VPS26A: variants seen among roughly 807,000 people sequenced by gnomAD.
The protein encoded by VPS26A is VPS26 retromer complex component A, also known as vacuolar protein sorting-associated protein 26A.
VPS26A carries 22 observed loss-of-function variants against 42.4 expected under a neutral mutation model. The observed-to-expected ratio is 0.52, with a 90% CI of 0.37 to 0.74. The LOEUF (loss-of-function observed/expected upper bound fraction) is 0.74. VPS26A is among the 30% of genes least tolerant of loss of function. The probability of loss-of-function intolerance (pLI) is 0.00; values close to 1 mark genes in which losing one functional copy is unlikely to be tolerated. For synonymous variants in VPS26A, 110 were observed against 123.5 expected, an observed-to-expected ratio of 0.89 and a Z score of 0.73; for missense variants, 276 against 379.2, an observed-to-expected ratio of 0.73 and a Z score of 2.26.
At position 69,173,857 on chromosome 10, in the gene VPS26A, CGTG is replaced by C. The variant is rs1192191127; in HGVS notation, c.*2593_*2595del. ...CTCTACCAAAAATGCATTAGTCGGG[CGTG>C]GTGGCACATGCCTGTAATCCCAGCT... On this transcript the variant is annotated 3_prime_UTR_variant, in exon 9 of 9. Coordinates refer to ENST00000263559, the MANE Select transcript of VPS26A (RefSeq NM_004896.5). Among the ~76,000 whole-genome samples, 1 of 152,054 alleles carries C rather than the reference CGTG, an allele frequency of 6.6e-6. No individual in the cohort carries two copies. The highest frequency in any genetic ancestry group is 2.4e-5 in the African/African-American group (1 of 41,414).
chr10:69,124,432 G>A, intron 1 of VPS26A, 152 bp downstream of exon 1: 1 of 911,624 alleles, frequency 1.1e-6, no homozygotes, highest in Non-Finnish European at 1.4e-6. Context: ...CCTGGGTCTG[G>A]GAAAAGCTGG....
intron 2 of VPS26A, among the ~76,000 whole-genome samples, chr10:69,147,604 C>G (rs1841190519): frequency 1.3e-5 from 2 of 152,154 alleles, no homozygotes; most frequent in Admixed American, 1.3e-4. Context: ...GGCAGCAGTC[C>G]AACTTTATTC....
chr10:69,127,477 C>CGGGAGGCGGAGCTTGCA (rs1840683789), intron 1 of VPS26A, among the ~76,000 whole-genome samples: 1 of 150,508 alleles, frequency 6.6e-6, no homozygotes, highest in Non-Finnish European at 1.5e-5. Flanking sequence ...GGCATGAACC[C>CGGGAGGCGGAGCTTGCA]GGGAGGCGGA....
chr10:69,162,698 A>AG (rs1841588289), intron 6 of VPS26A, among the ~76,000 whole-genome samples, 186 bp downstream of exon 6: 1 of 152,198 alleles, frequency 6.6e-6, no homozygotes, highest in Admixed American at 6.5e-5. Context: ...TTTATTTTTT[A>AG]TAAAAAATTA....
rs118153651 is a variant in VPS26A at position 69,161,488 on chromosome 10, A to G, written c.552-918A>G. Reference sequence around the variant, plus strand: ...ACACTAAACAATATGAATAATCAAAATGGTTGTTGTTGGTTTTTGTTTTTG... The same window carrying G: ...ACACTAAACAATATGAATAATCAAAGTGGTTGTTGTTGGTTTTTGTTTTTG... On this transcript the variant is annotated intron_variant, in intron 5 of 8. Transcript: ENST00000263559. 399 of 167,480 alleles carry G rather than the reference A, an allele frequency of 2.4e-3. 1 individual carries two copies. Among genetic ancestry groups the G allele is most frequent in the Non-Finnish European group, 4.2e-3 (325 of 76,794 alleles). The allele number at this position is 167,480 out of a possible 1,614,324, so 10.4% of individuals were successfully genotyped here.
In VPS26A at chr10:69,172,928, T is replaced by C. The variant is rs1841848197; in HGVS notation, c.*1659T>C. 1 of 152,220 alleles carries C rather than the reference T, an allele frequency of 6.6e-6. No individual in the cohort carries two copies. Among genetic ancestry groups the C allele is most frequent in the South Asian group, 2.1e-4 (1 of 4,834 alleles). 9.4% of individuals were successfully genotyped at this position (152,220 alleles called of 1,614,324 possible). On this transcript the variant is annotated 3_prime_UTR_variant, in exon 9 of 9. Coordinates refer to ENST00000263559, the MANE Select transcript of VPS26A (RefSeq NM_004896.5). ...AATCTCTTCTCATTGTTAGATTTATTGTCGAGGATAGGATTGTTCAATAGT... is the reference window on the plus strand; with the variant it reads ...AATCTCTTCTCATTGTTAGATTTATCGTCGAGGATAGGATTGTTCAATAGT...
At position 69,140,103 on chromosome 10, in the gene VPS26A, T is replaced by C. The variant is rs566171983; in HGVS notation, c.153+7056T>C. On this transcript the variant is annotated intron_variant, in intron 2 of 8. Coordinates refer to ENST00000263559, the MANE Select transcript of VPS26A (RefSeq NM_004896.5). ...TTTTTTTTGAGATAAGATCTTGCTC[T>C]GTTGCCCAGGCTGGAATGCAGTGGC... 4.6e-5 allele frequency among the ~76,000 whole-genome samples: 7 copies of C among 152,142 alleles called. No individual in the cohort carries two copies. The South Asian group carries it at 1.2e-3, about 27-fold the overall frequency.
intron 6 of VPS26A, among the ~76,000 whole-genome samples, chr10:69,164,951 C>T (rs1453002679): frequency 4.1e-5 from 6 of 146,382 alleles, no homozygotes; most frequent in African/African-American, 1.3e-4. Context: ...TTTTTGGAGA[C>T]GGCGTCTCCC....
At chr10:69,136,597 C>A (rs1840917750) in intron 2 of VPS26A, among the ~76,000 whole-genome samples, 1 of 151,692 alleles carries the variant, frequency 6.6e-6, no homozygotes, top group African/African-American at 2.4e-5. Flanking sequence ...TGTTGATACT[C>A]AGTACCTAGA....
At chr10:69,160,114 C>G (rs1337555036) in intron 5 of VPS26A, among the ~76,000 whole-genome samples, 1 of 149,562 alleles carries the variant, frequency 6.7e-6, no homozygotes, top group Non-Finnish European at 1.5e-5. Flanking sequence ...TCCCTTCAGA[C>G]TGACATAATT....
intron 2 of VPS26A, among the ~76,000 whole-genome samples, chr10:69,148,909 C>T (rs1589355021): frequency 6.6e-6 from 1 of 152,116 alleles, no homozygotes; most frequent in East Asian, 1.9e-4. Context: ...GTGCCCGCCA[C>T]CACGCCCAGC....
intron 4 of VPS26A, 147 bp from the exon 5 acceptor site, chr10:69,157,900 A>G (rs1444883407): frequency 3.3e-6 from 2 of 601,826 alleles, no homozygotes; most frequent in African/African-American, 1.9e-5. Context: ...GAAAATTGGA[A>G]CTCCTTCGTG....
chr10:69,142,016 TG>T (rs1244602545), intron 2 of VPS26A, among the ~76,000 whole-genome samples: 1 of 152,056 alleles, frequency 6.6e-6, no homozygotes, highest in Non-Finnish European at 1.5e-5. Flanking sequence ...CCCGAGTAGC[TG>T]GGATTACAGG....
chr10:69,149,366 T>G (rs1396515727), intron 2 of VPS26A, among the ~76,000 whole-genome samples: 3 of 152,062 alleles, frequency 2.0e-5, no homozygotes, highest in East Asian at 1.9e-4. Context: ...TGAGGTACAG[T>G]CTATAAACTG....
intron 2 of VPS26A, among the ~76,000 whole-genome samples, chr10:69,137,374 A>G (rs1208646060): frequency 6.6e-6 from 1 of 152,164 alleles, no homozygotes; most frequent in Non-Finnish European, 1.5e-5. Flanking sequence ...AAATCAATCC[A>G]AGGTTGCAGT....
chr10:69,165,127 C>T (rs184017320), intron 6 of VPS26A, among the ~76,000 whole-genome samples: 117 of 152,132 alleles, frequency 7.7e-4, no homozygotes, highest in Middle Eastern at 3.4e-3. Flanking sequence ...GGGGTTTCAC[C>T]GTGTTGCCTA....
chr10:69,142,961 A>G (rs1841076574), intron 2 of VPS26A, among the ~76,000 whole-genome samples: 1 of 152,198 alleles, frequency 6.6e-6, no homozygotes, highest in African/African-American at 2.4e-5. Context: ...AAAATGAGAG[A>G]GGTTCTAGAA....
intron 2 of VPS26A, among the ~76,000 whole-genome samples, chr10:69,144,085 A>G (rs1841102603): frequency 6.6e-6 from 1 of 150,960 alleles, no homozygotes; most frequent in South Asian, 2.1e-4. Context: ...CTACTCCTAG[A>G]TACATACTCA....
intron 2 of VPS26A, among the ~76,000 whole-genome samples, chr10:69,154,184 C>T (rs1195965752): frequency 2.0e-5 from 3 of 152,168 alleles, no homozygotes; most frequent in East Asian, 3.9e-4. Flanking sequence ...GAGAAACAAC[C>T]TATATGACCA....
Sources: allele counts gnomAD v4.1 joint callset (sites outside exome capture counted in the v4.1 genomes callset), GRCh38; gene constraint gnomAD v4.1.1; transcripts MANE v1.5; gene names NCBI Gene and HGNC (gene_info 2026-07-23, HGNC 2026-07-21).